DMD: variants seen among roughly 807,000 people sequenced by gnomAD.
DMD encodes the protein dystrophin.
DMD carries 63 observed loss-of-function variants against 330.1 expected under a neutral mutation model. The observed-to-expected ratio is 0.19, with a 90% CI of 0.16 to 0.24. The LOEUF (loss-of-function observed/expected upper bound fraction) is 0.24, where lower values mean the gene tolerates loss of function less well. DMD is among the 10% of genes least tolerant of loss of function. DMD has a pLI of 1.00. For synonymous variants in DMD, 1,223 were observed against 959.8 expected (o/e 1.27, Z -5.07); for missense variants, 3,344 against 2,684.1 (o/e 1.25, Z -5.43).
intron 51 of DMD, among the ~76,000 whole-genome samples, chrX:31,754,287 T>A: frequency 8.9e-6 from 1 of 111,750 alleles, no homozygotes; most frequent in East Asian, 2.8e-4. Context: ...ATTCTAGACA[T>A]CTGGCCTATA....
intron 1 of DMD, among the ~76,000 whole-genome samples, chrX:33,276,088 T>C (rs1035893468): frequency 2.7e-5 from 3 of 111,908 alleles, no homozygotes; most frequent in Non-Finnish European, 3.8e-5. Context: ...CTAATAAAGA[T>C]GAAATTTTTG....
intron 9 of DMD, among the ~76,000 whole-genome samples, chrX:32,667,658 G>C (rs1046880304): frequency 1.8e-5 from 2 of 111,237 alleles, no homozygotes; most frequent in Non-Finnish European, 3.8e-5. Flanking sequence ...TCAACATTAT[G>C]TGACAGAAAA....
intron 1 of DMD, among the ~76,000 whole-genome samples, chrX:33,251,517 C>T (rs540033420): frequency 8.1e-5 from 9 of 111,768 alleles, no homozygotes; most frequent in African/African-American, 2.6e-4. Context: ...AATTGAGATG[C>T]CTAAACCAAT....
At chrX:32,997,652 C>T (rs1190090963) in intron 2 of DMD, among the ~76,000 whole-genome samples, 2 of 112,152 alleles carry the variant, frequency 1.8e-5, no homozygotes, top group Non-Finnish European at 3.8e-5. Flanking sequence ...TCAGAAGAAG[C>T]AGATATAAGT....
At chrX:32,171,146 A>G (rs1410138984) in intron 44 of DMD, among the ~76,000 whole-genome samples, 1 of 111,862 alleles carries the variant, frequency 8.9e-6, no homozygotes, top group Non-Finnish European at 1.9e-5. Flanking sequence ...TTCCAAAATT[A>G]ATACATATTT....
At chrX:32,039,756 T>G (rs2095984202) in intron 44 of DMD, among the ~76,000 whole-genome samples, 1 of 111,927 alleles carries the variant, frequency 8.9e-6, no homozygotes, top group African/African-American at 3.3e-5. Context: ...ATTCCCTCTG[T>G]CTAGTTGAAA....
At chrX:32,564,171 G>A (rs1192089861) in intron 16 of DMD, among the ~76,000 whole-genome samples, 1 of 111,707 alleles carries the variant, frequency 9.0e-6, no homozygotes, top group Non-Finnish European at 1.9e-5. Context: ...ATTTTAATTA[G>A]CTCCTCAGGT....
intron 60 of DMD, 65 bp downstream of exon 60, chrX:31,444,416 T>C: frequency 8.7e-7 from 1 of 1,155,448 alleles, no homozygotes; most frequent in Non-Finnish European, 1.2e-6. Flanking sequence ...TCATTGTTCT[T>C]TACAAATTTT....
At chrX:31,355,558 C>G (rs776540327) in intron 60 of DMD, among the ~76,000 whole-genome samples, 1 of 111,860 alleles carries the variant, frequency 8.9e-6, no homozygotes, top group South Asian at 3.8e-4. Flanking sequence ...TGCTGTGATG[C>G]TAGTAAATAA....
chrX:31,990,416 A>C (rs2095542259), intron 44 of DMD, among the ~76,000 whole-genome samples: 1 of 112,017 alleles, frequency 8.9e-6, no homozygotes. Context: ...GTGCTAAGAA[A>C]GTACAATATT....
rs755413777 is a variant in DMD, at chrX:32,672,653, C to T, written c.960+25217G>A. The stretch of plus-strand genomic sequence containing the variant: ...TAACACAGTATATTAACTGTGGAAA[C>T]ATGACTTAACATGTTCCAACCAGAA... On this transcript the variant is annotated intron_variant, in intron 9 of 78. Coordinates refer to ENST00000357033, the MANE Select transcript of DMD (RefSeq NM_004006.3). 6.3e-5 allele frequency among the ~76,000 whole-genome samples: 7 copies of T among 110,398 alleles called. No individual in the cohort carries two copies. The South Asian group carries it at 2.7e-3, about 42-fold the overall frequency.
At chrX:31,747,124 G>A (rs1287550073) in intron 51 of DMD, among the ~76,000 whole-genome samples, 1 of 111,445 alleles carries the variant, frequency 9.0e-6, no homozygotes, top group African/African-American at 3.3e-5. Flanking sequence ...TTTCTTGGTA[G>A]GTGAGTGGAA....
At chrX:32,633,445 AC>A (rs2058878983) in intron 11 of DMD, among the ~76,000 whole-genome samples, 1 of 111,840 alleles carries the variant, frequency 8.9e-6, no homozygotes, top group Admixed American at 9.5e-5. Flanking sequence ...CAATCATTTA[AC>A]CAGTCTCTAA....
intron 55 of DMD, among the ~76,000 whole-genome samples, chrX:31,566,807 T>C (rs1311260720): frequency 8.9e-6 from 1 of 112,221 alleles, no homozygotes; most frequent in Non-Finnish European, 1.9e-5. Flanking sequence ...ATACCGATCC[T>C]GTACATGTAT....
intron 12 of DMD, among the ~76,000 whole-genome samples, chrX:32,606,576 A>G (rs1453805828): frequency 9.1e-6 from 1 of 109,793 alleles, no homozygotes; most frequent in Non-Finnish European, 1.9e-5. Context: ...CAAAAACAAC[A>G]AAAAGTGTTA....
intron 7 of DMD, among the ~76,000 whole-genome samples, chrX:32,731,949 C>T (rs193111261): frequency 0.017 from 1,893 of 111,593 alleles, 45 homozygotes; most frequent in African/African-American, 0.058. Context: ...AGGCTTCAGA[C>T]GATCAAATTA....
At chrX:31,175,783 T>A (rs746114029) in intron 71 of DMD, among the ~76,000 whole-genome samples, 6 of 111,231 alleles carry the variant, frequency 5.4e-5, no homozygotes, top group Non-Finnish European at 1.1e-4. Flanking sequence ...ACCTTCTCTT[T>A]TATGAAAACT....
At chrX:31,861,602 GAC>G (rs2093699434) in intron 48 of DMD, among the ~76,000 whole-genome samples, 3 of 100,664 alleles carry the variant, frequency 3.0e-5, no homozygotes, top group South Asian at 4.6e-4. Flanking sequence ...AAAAAAAAGA[GAC>G]AGTTCTTTAA....
At chrX:32,734,317 C>A (rs1242841918) in intron 7 of DMD, among the ~76,000 whole-genome samples, 1 of 84,819 alleles carries the variant, frequency 1.2e-5, no homozygotes, top group Non-Finnish European at 2.1e-5. Context: ...GGATTCACAG[C>A]CGAATTCGAC....
Sources: gnomAD v4.1 joint callset for allele counts (sites outside exome capture counted in the v4.1 genomes callset) on GRCh38, gnomAD v4.1.1 for gene constraint, MANE v1.5 for transcripts, NCBI Gene and HGNC (gene_info 2026-07-23, HGNC 2026-07-21) for gene names.